RHPN1: variants seen among roughly 807,000 people sequenced by gnomAD.
The protein encoded by RHPN1 is rhophilin Rho GTPase binding protein 1.
A neutral mutation model predicts 74.7 loss-of-function variants in RHPN1; 77 were observed. The observed-to-expected ratio is 1.03, with a 90% CI of 0.86 to 1.25. The LOEUF (loss-of-function observed/expected upper bound fraction) is 1.25. Ranked by LOEUF, RHPN1 falls within the 50% of genes most tolerant of loss-of-function variation. The probability of loss-of-function intolerance (pLI) is 0.00; values close to 1 mark genes in which losing one functional copy is unlikely to be tolerated. For synonymous variants in RHPN1, 444 were observed against 414.5 expected (o/e 1.07, Z -0.87); for missense variants, 987 against 932.2 (o/e 1.06, Z -0.77).
At chr8:143,373,828 T>C (rs994821252) in intron 1 of RHPN1, among the ~76,000 whole-genome samples, 1 of 152,040 alleles carries the variant, frequency 6.6e-6, no homozygotes, top group Admixed American at 6.5e-5. Context: ...ATAAGGACCC[T>C]TGTCACTGCG....
At chr8:143,377,328 G>T in intron 3 of RHPN1, 52 bp from the exon 4 acceptor site, 2 of 1,476,202 alleles carry the variant, frequency 1.4e-6, no homozygotes, top group Non-Finnish European at 1.9e-6. Flanking sequence ...CCGGGCTGCC[G>T]TGGGCAGCAG....
chr8:143,377,806 G>A (rs1203279854), intron 4 of RHPN1, among the ~76,000 whole-genome samples: 1 of 152,176 alleles, frequency 6.6e-6, no homozygotes. Flanking sequence ...CACTGGCTTG[G>A]GGCCACACAC....
In RHPN1 at chr8:143,378,975, T is replaced by A. The variant is rs756211887; in HGVS notation, c.648T>A (p.Val216=). The A allele has an allele frequency of 6.4e-7, 1 of 1,563,214 alleles. No homozygotes were observed. The highest frequency in any genetic ancestry group is 1.2e-5 in the South Asian group (1 of 84,794). Residue 216 remains valine (V), a synonymous_variant, in exon 7 of 15, where the codon GTT becomes GTA. Transcript: ENST00000289013. ...CCCTGGCCTTCGAGAAGGGCAGCGT[T>A]CTCTTCAACATCGGTGCCCTCCACA... The part of the protein sequence containing the change: ...QRALAFEKGS[V]LFNIGALHTQ...
rs373414342 is a variant in RHPN1 at position 143,378,830 on chromosome 8, C to T, written c.584+10C>T. 1.2e-4 allele frequency: 189 copies of T among 1,564,378 alleles called. 1 individual carries two copies. The African/African-American group carries it at 2.2e-3, about 18-fold the overall frequency. On this transcript the variant is annotated intron_variant, in intron 6 of 14. Coordinates refer to ENST00000289013, the MANE Select transcript of RHPN1 (RefSeq NM_052924.3). ...GGCTCTTCTTCCACTGGTAGGGGCT[C>T]TGCGGGCGGAGGCACCCTGGGGAGG...
In RHPN1 at chr8:143,382,825, G is replaced by A; in HGVS notation, c.*174G>A. ...TCAGACCTGTCTGAGCCCAGTGATG[G>A]GAGCTGTGGCCTCTTCACCCACACA... On this transcript the variant is annotated 3_prime_UTR_variant, in exon 15 of 15. Coordinates refer to ENST00000289013, the MANE Select transcript of RHPN1 (RefSeq NM_052924.3). The A allele has an allele frequency of 1.6e-6, 1 of 607,878 alleles. No individual in the cohort carries two copies. The highest frequency in any genetic ancestry group is 2.9e-6 in the Non-Finnish European group (1 of 344,928). The allele number at this position is 607,878 out of a possible 1,614,324, so 37.7% of individuals were successfully genotyped here.
chr8:143,376,423 G>T, intron 2 of RHPN1, 102 bp from the exon 3 acceptor site: 2 of 1,519,836 alleles, frequency 1.3e-6, no homozygotes, highest in Non-Finnish European at 1.8e-6. Flanking sequence ...TGCAGGGTGG[G>T]CTTGGAGCTT....
rs573664156 is a variant in RHPN1, at chr8:143,377,711, A to C, written c.381+256A>C. Among the ~76,000 whole-genome samples, 5 of 152,174 alleles carry C rather than the reference A, an allele frequency of 3.3e-5. No individual in the cohort carries two copies. The South Asian group carries it at 1.0e-3, about 32-fold the overall frequency. The stretch of plus-strand genomic sequence containing the variant: ...TAGAGTGGGTGTGAACATGTGCCCT[A>C]CCCTCGGATGGGCAATGCCCTAGGA... On this transcript the variant is annotated intron_variant, in intron 4 of 14. Coordinates refer to ENST00000289013, the MANE Select transcript of RHPN1 (RefSeq NM_052924.3).
chr8:143,376,960 G>A (rs748786483), intron 3 of RHPN1, among the ~76,000 whole-genome samples: 1 of 151,476 alleles, frequency 6.6e-6, no homozygotes, highest in Non-Finnish European at 1.5e-5. Context: ...GTGTGTCTGT[G>A]TGCACGTGTC....
intron 1 of RHPN1, among the ~76,000 whole-genome samples, chr8:143,369,884 G>A (rs1817711673): frequency 6.6e-6 from 1 of 152,208 alleles, no homozygotes; most frequent in Non-Finnish European, 1.5e-5. Context: ...TGGTGTTTGG[G>A]GTTAGGTCTC....
At chr8:143,372,526 T>C (rs1210621501) in intron 1 of RHPN1, among the ~76,000 whole-genome samples, 1 of 151,280 alleles carries the variant, frequency 6.6e-6, no homozygotes, top group African/African-American at 2.4e-5. Context: ...GGGGCAGGGC[T>C]GGGCTGGGGG....
intron 2 of RHPN1, among the ~76,000 whole-genome samples, chr8:143,375,966 T>G (rs1163542910): frequency 1.3e-5 from 2 of 152,216 alleles, no homozygotes; most frequent in Non-Finnish European, 2.9e-5. Flanking sequence ...TGGTTGAGGC[T>G]GAGCTGTGGC....
In RHPN1 at chr8:143,378,358, C is replaced by CCT; in HGVS notation, c.459+13_459+14insTC. The CCT allele has an allele frequency of 5.3e-6, 4 of 753,670 alleles. No homozygotes were observed. The highest frequency in any genetic ancestry group is 6.2e-6 in the Non-Finnish European group (3 of 486,146). The allele number at this position is 753,670 out of a possible 1,614,324, so 46.7% of individuals were successfully genotyped here. On this transcript the variant is annotated intron_variant, in intron 5 of 14. Coordinates refer to ENST00000289013, the MANE Select transcript of RHPN1 (RefSeq NM_052924.3). ...AGGCCCTGCGGCAGGTGTGTGGTTCCCCCGCCCACCCACCCTCCTGCAGCC... is the reference window on the plus strand; with the variant it reads ...AGGCCCTGCGGCAGGTGTGTGGTTCCCTCCCGCCCACCCACCCTCCTGCAGCC...
At chr8:143,366,440 A>T (rs1817557064), upstream of RHPN1, among the ~76,000 whole-genome samples, 1 of 152,152 alleles carries the variant, frequency 6.6e-6, no homozygotes, top group Non-Finnish European at 1.5e-5. Context: ...GTGCAGTGAT[A>T]CATTCTTGCT....
chr8:143,382,861 C>T lies in RHPN1; in HGVS notation c.*210C>T, dbSNP rs1024995821. ...CTCTTCACCCACACACAGAAGGATGCCAGTCCCTCTGTCGGTCTGAGGTCA... is the reference window on the plus strand; with the variant it reads ...CTCTTCACCCACACACAGAAGGATGTCAGTCCCTCTGTCGGTCTGAGGTCA... On this transcript the variant is annotated 3_prime_UTR_variant, in exon 15 of 15. Transcript: ENST00000289013. 3 of 586,090 alleles carry T rather than the reference C, an allele frequency of 5.1e-6. No individual in the cohort carries two copies. The highest frequency in any genetic ancestry group is 3.7e-5 in the African/African-American group (2 of 53,638). The allele number at this position is 586,090 out of a possible 1,614,324, so 36.3% of individuals were successfully genotyped here. A position where few individuals can be genotyped will look rare whatever the true frequency, so the allele number is the denominator to read the frequency against.
At chr8:143,380,860 G>T in intron 11 of RHPN1, 77 bp downstream of exon 11, 2 of 1,204,484 alleles carry the variant, frequency 1.7e-6, no homozygotes, top group Non-Finnish European at 2.3e-6. Flanking sequence ...AAGGGAGGCT[G>T]ATTGCATTAA....
intron 7 of RHPN1, 46 bp from the exon 8 acceptor site, chr8:143,379,269 G>A (rs1489443100): frequency 4.0e-6 from 6 of 1,502,046 alleles, no homozygotes; most frequent in Non-Finnish European, 5.4e-6. Flanking sequence ...GGGCAGAGAT[G>A]GGCAGGTACA....
chr8:143,367,393 G>A (rs1817580783), upstream of RHPN1: 1 of 152,390 alleles, frequency 6.6e-6, no homozygotes, highest in Admixed American at 6.5e-5. Context: ...CTATTCAGGA[G>A]GCTGAGGTGG....
upstream of RHPN1, chr8:143,366,933 T>G (rs1293499408): frequency 6.6e-6 from 1 of 152,324 alleles, no homozygotes; most frequent in East Asian, 1.9e-4. Context: ...ATGACTCACA[T>G]GGAAGTCCCC....
rs1173144011 is a variant in RHPN1 at position 143,377,351 on chromosome 8, C to T, written c.306-29C>T. 6 of 1,596,004 alleles carry T rather than the reference C, an allele frequency of 3.8e-6. 1 individual carries two copies. The highest frequency in any genetic ancestry group is 3.3e-5 in the South Asian group (3 of 90,676). On this transcript the variant is annotated intron_variant, in intron 3 of 14. Coordinates refer to ENST00000289013, the MANE Select transcript of RHPN1 (RefSeq NM_052924.3). ...CCGTGGGCAGCAGGGTTTGGCCTTA[C>T]AGTCTGAAGTCGATGCTTCTGGTTA...
Sources: allele counts gnomAD v4.1 joint callset (sites outside exome capture counted in the v4.1 genomes callset), GRCh38; gene constraint gnomAD v4.1.1; transcripts MANE v1.5; gene names NCBI Gene and HGNC (gene_info 2026-07-23, HGNC 2026-07-21).